ROR1: variants seen among roughly 807,000 people sequenced by gnomAD.
ROR1 encodes the protein ROR family WNT receptor 1, also known as inactive tyrosine-protein kinase transmembrane receptor ROR1.
ROR1 carries 19 observed loss-of-function variants against 78.8 expected under a neutral mutation model. The observed-to-expected ratio is 0.24, with a 90% confidence interval of 0.17 to 0.35. ROR1 has a LOEUF of 0.35. ROR1 is among the 10% of genes least tolerant of loss of function. The pLI, the probability that ROR1 is intolerant of heterozygous loss-of-function variation, is 1.00. For synonymous variants in ROR1, 386 were observed against 433.6 expected (o/e 0.89, Z 1.36); for missense variants, 917 against 1,177.8 (o/e 0.78, Z 3.24).
At chr1:63,970,176 T>C (rs1229265886) in intron 1 of ROR1, among the ~76,000 whole-genome samples, 1 of 152,086 alleles carries the variant, frequency 6.6e-6, no homozygotes, top group Non-Finnish European at 1.5e-5. Flanking sequence ...TTTATCGAAT[T>C]CCCAAGTCTA....
chr1:63,792,129 A>G (rs1175374495), intron 1 of ROR1, among the ~76,000 whole-genome samples: 1 of 152,076 alleles, frequency 6.6e-6, no homozygotes, highest in Non-Finnish European at 1.5e-5. Context: ...CTCTAGGTTT[A>G]GGGGATTTGA....
At chr1:63,967,826 T>A (rs1646087270) in intron 1 of ROR1, among the ~76,000 whole-genome samples, 1 of 152,206 alleles carries the variant, frequency 6.6e-6, no homozygotes, top group African/African-American at 2.4e-5. Flanking sequence ...GCTCTGAAAC[T>A]TGATGTCACC....
chr1:64,002,215 C>A lies in ROR1; in HGVS notation c.92-7090C>A, dbSNP rs188110474. On this transcript the variant is annotated intron_variant, in intron 1 of 8. Transcript: ENST00000371079. ...GTGGCACAGTCTTGGCTCGCTGCAA[C>A]CTCTGACTCCCTGGTTCAAGCGATT... Among the ~76,000 whole-genome samples, 1,201 of 150,448 alleles carry A rather than the reference C, an allele frequency of 8.0e-3. 13 individuals are homozygous for A. Among genetic ancestry groups the A allele is most frequent in the Middle Eastern group, 0.034 (10 of 290 alleles).
chr1:64,082,027 C>A (rs1194406279), intron 4 of ROR1, among the ~76,000 whole-genome samples: 1 of 152,066 alleles, frequency 6.6e-6, no homozygotes, highest in Admixed American at 6.5e-5. Flanking sequence ...TTGAGAAACA[C>A]TGATTTACAG....
intron 4 of ROR1, among the ~76,000 whole-genome samples, chr1:64,114,087 G>A (rs1648223319): frequency 6.6e-6 from 1 of 152,028 alleles, no homozygotes; most frequent in Admixed American, 6.6e-5. Context: ...TCTATATGTG[G>A]GACCATGACC....
At chr1:63,987,425 A>G (rs888584041) in intron 1 of ROR1, among the ~76,000 whole-genome samples, 3 of 152,152 alleles carry the variant, frequency 2.0e-5, no homozygotes, top group Non-Finnish European at 2.9e-5. Context: ...GTCTTTTTTC[A>G]AGGTATATGG....
intron 1 of ROR1, among the ~76,000 whole-genome samples, chr1:63,956,317 C>A (rs1052981018): frequency 6.6e-6 from 1 of 152,082 alleles, no homozygotes; most frequent in Admixed American, 6.5e-5. Flanking sequence ...TCTAAAGAGG[C>A]CAGGGAGTCA....
Position 64,036,710 on chromosome 1 carries a change from A to G in ROR1, c.164-12981A>G, listed in dbSNP as rs115146608. Among the ~76,000 whole-genome samples, 793 of 152,360 alleles carry G rather than the reference A, an allele frequency of 5.2e-3. 8 individuals are homozygous for G. Among genetic ancestry groups the G allele is most frequent in the African/African-American group, 0.018 (757 of 41,586 alleles). ...GAATCTCAAGTGAGAGCTGTGTATC[A>G]GTTAGCTCCTGCTAGGTAACAAACC... On this transcript the variant is annotated intron_variant, in intron 2 of 8. Transcript: ENST00000371079.
chr1:64,172,834 G>A (rs1650278026), intron 8 of ROR1, among the ~76,000 whole-genome samples: 1 of 152,158 alleles, frequency 6.6e-6, no homozygotes, highest in Non-Finnish European at 1.5e-5. Context: ...TTGAGGTCAA[G>A]CAGAGGTCAT....
In ROR1 at chr1:64,009,364, G is replaced by A. The variant is rs751654930; in HGVS notation, c.151G>A (p.Glu51Lys). Residue 51 changes from glutamate (E) to lysine (K), a missense_variant, in exon 2 of 9, where the codon GAA becomes AAA. Transcript: ENST00000371079. ...VPTSSWNISSELNKDSYLTLD... is the reference protein window; with the variant it reads ...VPTSSWNISSKLNKDSYLTLD... ...TACCTCATCATGGAACATCTCAAGT[G>A]AACTCAACAAAGGTACACAGTGGGG... 1.8e-5 allele frequency: 29 copies of A among 1,613,122 alleles called. No individual in the cohort carries two copies. The highest frequency in any genetic ancestry group is 1.3e-4 in the South Asian group (12 of 91,046).
At chr1:63,824,608 C>A (rs1175033897) in intron 1 of ROR1, among the ~76,000 whole-genome samples, 1 of 152,018 alleles carries the variant, frequency 6.6e-6, no homozygotes, top group Non-Finnish European at 1.5e-5. Flanking sequence ...ACAAACAACC[C>A]CACAATGGAT....
chr1:63,902,296 G>C (rs928483768), intron 1 of ROR1, among the ~76,000 whole-genome samples: 2 of 151,746 alleles, frequency 1.3e-5, no homozygotes, highest in African/African-American at 4.8e-5. Flanking sequence ...ACCTTAGTGT[G>C]GTCAGACCCT....
intron 4 of ROR1, among the ~76,000 whole-genome samples, chr1:64,129,377 C>T (rs1648833091): frequency 6.6e-6 from 1 of 152,100 alleles, no homozygotes; most frequent in African/African-American, 2.4e-5. Context: ...AGAAAATCTG[C>T]CTAGATTGGT....
chr1:64,141,476 T>C (rs995891023), intron 6 of ROR1, among the ~76,000 whole-genome samples: 4 of 152,072 alleles, frequency 2.6e-5, no homozygotes, highest in African/African-American at 9.7e-5. Context: ...GCTTCCGTGA[T>C]CCAGTCACCT....
intron 4 of ROR1, among the ~76,000 whole-genome samples, chr1:64,054,879 C>T (rs1159628884): frequency 6.6e-6 from 1 of 152,094 alleles, no homozygotes; most frequent in Non-Finnish European, 1.5e-5. Context: ...AAGATTTCTC[C>T]TTTCCAGAAG....
At chr1:64,024,853 G>T (rs1023882669) in intron 2 of ROR1, among the ~76,000 whole-genome samples, 1 of 152,092 alleles carries the variant, frequency 6.6e-6, no homozygotes, top group East Asian at 1.9e-4. Flanking sequence ...CCATTTCTTT[G>T]ATAACTAAGG....
chr1:64,059,270 G>C (rs1646898297), intron 4 of ROR1, among the ~76,000 whole-genome samples: 1 of 151,986 alleles, frequency 6.6e-6, no homozygotes, highest in African/African-American at 2.4e-5. Context: ...GTTGAAAACT[G>C]GATATTGAAA....
intron 1 of ROR1, among the ~76,000 whole-genome samples, chr1:63,949,252 T>G (rs1214129314): frequency 6.6e-6 from 1 of 152,164 alleles, no homozygotes; most frequent in South Asian, 2.1e-4. Flanking sequence ...TTCAATTTCA[T>G]CAGGTGATTT....
intron 1 of ROR1, among the ~76,000 whole-genome samples, chr1:63,776,205 A>G (rs917515500): frequency 6.6e-6 from 1 of 152,202 alleles, no homozygotes; most frequent in Non-Finnish European, 1.5e-5. Context: ...CTTTTAGATC[A>G]TAGCCCCTTG....
Sources: gnomAD v4.1 joint callset for allele counts (sites outside exome capture counted in the v4.1 genomes callset) on GRCh38, gnomAD v4.1.1 for gene constraint, MANE v1.5 for transcripts, NCBI Gene and HGNC (gene_info 2026-07-23, HGNC 2026-07-21) for gene names.